Variants in ZBTB20 observed in about 807,000 individuals in gnomAD.
ZBTB20 encodes the protein zinc finger and BTB domain-containing protein 20.
ZBTB20 carries 9 observed loss-of-function variants against 56.9 expected under a neutral mutation model. The observed-to-expected ratio is 0.16, with a 90% CI of 0.10 to 0.28. The LOEUF is 0.28. Among genes scored for constraint, ZBTB20 ranks in the 10% least tolerant of loss-of-function variants. The pLI is 1.00. For synonymous variants in ZBTB20, 417 were observed against 420.7 expected, an observed-to-expected ratio of 0.99 and a Z score of 0.11; for missense variants, 655 against 1,003.0, an observed-to-expected ratio of 0.65 and a Z score of 4.69.
At chr3:114,412,372 C>T (rs946409878) in intron 7 of ZBTB20, among the ~76,000 whole-genome samples, 1 of 152,046 alleles carries the variant, frequency 6.6e-6, no homozygotes, top group Non-Finnish European at 1.5e-5. Context: ...CAAGTGTGAG[C>T]CAAGCAGTGT....
intron 1 of ZBTB20, among the ~76,000 whole-genome samples, chr3:115,071,730 GC>G (rs1486235062): frequency 6.6e-6 from 1 of 152,104 alleles, no homozygotes; most frequent in African/African-American, 2.4e-5. Context: ...ATCTAACACA[GC>G]ACCATGACAT....
chr3:114,902,284 CTT>C (rs1248769192), intron 3 of ZBTB20, among the ~76,000 whole-genome samples: 1 of 152,200 alleles, frequency 6.6e-6, no homozygotes, highest in Non-Finnish European at 1.5e-5. Context: ...CACAGCCTAA[CTT>C]ATTCACTAAT....
intron 1 of ZBTB20, among the ~76,000 whole-genome samples, chr3:115,118,018 A>C (rs921559671): frequency 6.6e-6 from 1 of 152,182 alleles, no homozygotes; most frequent in Non-Finnish European, 1.5e-5. Context: ...GACCTTAAAC[A>C]AGTTACTATT....
chr3:115,035,100 C>A (rs570298086), intron 2 of ZBTB20, among the ~76,000 whole-genome samples: 26 of 152,046 alleles, frequency 1.7e-4, no homozygotes, highest in Non-Finnish European at 2.9e-4. Flanking sequence ...AATATAAGAT[C>A]TAAAACTATA....
chr3:114,416,726 G>C (rs1181872089), intron 7 of ZBTB20, among the ~76,000 whole-genome samples: 1 of 151,954 alleles, frequency 6.6e-6, no homozygotes, highest in Non-Finnish European at 1.5e-5. Flanking sequence ...CTTTTCAGGG[G>C]GTTATAACTC....
At chr3:114,894,689 C>T (rs1004953930) in intron 4 of ZBTB20, among the ~76,000 whole-genome samples, 1 of 152,104 alleles carries the variant, frequency 6.6e-6, no homozygotes, top group African/African-American at 2.4e-5. Flanking sequence ...AAGGAGATGG[C>T]CATCTATATG....
chr3:114,709,013 T>G (rs946726601), intron 5 of ZBTB20, among the ~76,000 whole-genome samples: 1 of 152,182 alleles, frequency 6.6e-6, no homozygotes, highest in African/African-American at 2.4e-5. Flanking sequence ...TTCCTTCTCC[T>G]GTTTTTATAG....
chr3:114,981,504 A>G (rs1243916533), intron 2 of ZBTB20, among the ~76,000 whole-genome samples: 1 of 152,090 alleles, frequency 6.6e-6, no homozygotes, highest in Non-Finnish European at 1.5e-5. Flanking sequence ...TTTTGTAACA[A>G]TAGAAGGCAG....
intron 5 of ZBTB20, among the ~76,000 whole-genome samples, chr3:114,725,014 G>T (rs2108509803): frequency 6.6e-6 from 1 of 152,280 alleles, no homozygotes; most frequent in East Asian, 1.9e-4. Context: ...TAGGAGTGGA[G>T]TCTAGGAACC....
At chr3:114,540,932 A>C (rs561689102) in intron 6 of ZBTB20, among the ~76,000 whole-genome samples, 1 of 152,248 alleles carries the variant, frequency 6.6e-6, no homozygotes, top group South Asian at 2.1e-4. Flanking sequence ...GAAGCTAAAA[A>C]AACAATGCTA....
intron 6 of ZBTB20, among the ~76,000 whole-genome samples, chr3:114,532,984 A>C (rs2110045356): frequency 6.6e-6 from 1 of 152,356 alleles, no homozygotes; most frequent in African/African-American, 2.4e-5. Context: ...CCCCATCCGA[A>C]GATCACCAGC....
chr3:114,501,710 CTTT>C (rs1375467962), intron 6 of ZBTB20, among the ~76,000 whole-genome samples: 1 of 111,856 alleles, frequency 8.9e-6, no homozygotes, highest in Non-Finnish European at 1.9e-5. Flanking sequence ...TTTTTTCTTT[CTTT>C]TTTTTTTTTT....
intron 7 of ZBTB20, among the ~76,000 whole-genome samples, chr3:114,433,852 C>G (rs2090312111): frequency 6.6e-6 from 1 of 152,144 alleles, no homozygotes; most frequent in Admixed American, 6.6e-5. Flanking sequence ...TGAAATGACT[C>G]AATGCACAGA....
rs2078962415 is a variant in ZBTB20, at chr3:114,323,399, G to T, written c.*15606C>A. On this transcript the variant is annotated 3_prime_UTR_variant, in exon 12 of 12. Transcript: ENST00000675478. ...CTGTTCCCTATCTGTCATCTTAAAGGACTTTACCACATGCATAGCCTTCCT... is the reference window on the plus strand; with the variant it reads ...CTGTTCCCTATCTGTCATCTTAAAGTACTTTACCACATGCATAGCCTTCCT... 6.6e-6 allele frequency: 1 copy of T among 152,172 alleles called. No individual in the cohort carries two copies. The highest frequency in any genetic ancestry group is 2.4e-5 in the African/African-American group (1 of 41,438). The allele number at this position is 152,172 out of a possible 1,614,324, so 9.4% of individuals were successfully genotyped here. A position where few individuals can be genotyped will look rare whatever the true frequency, so the allele number is the denominator to read the frequency against.
At chr3:114,683,725 C>T (rs552678164) in intron 6 of ZBTB20, among the ~76,000 whole-genome samples, 83 of 152,112 alleles carry the variant, frequency 5.5e-4, no homozygotes, top group East Asian at 4.1e-3. Flanking sequence ...CTCTCCCCAT[C>T]CTAGATTTTT....
At chr3:114,608,525 C>G (rs1327970289) in intron 6 of ZBTB20, among the ~76,000 whole-genome samples, 1 of 152,204 alleles carries the variant, frequency 6.6e-6, no homozygotes, top group Non-Finnish European at 1.5e-5. Context: ...AACATTTCTT[C>G]ATTCCTAATG....
chr3:114,535,948 C>T (rs968221414), intron 6 of ZBTB20, among the ~76,000 whole-genome samples: 13 of 152,124 alleles, frequency 8.5e-5, no homozygotes, highest in Non-Finnish European at 1.2e-4. Context: ...AATTCAACAC[C>T]GCTTTATGCT....
chr3:115,012,971 G>A (rs1161580417), intron 2 of ZBTB20, among the ~76,000 whole-genome samples: 2 of 151,608 alleles, frequency 1.3e-5, no homozygotes, highest in East Asian at 3.9e-4. Context: ...AATGACAAGT[G>A]GTAAATGAGT....
intron 2 of ZBTB20, among the ~76,000 whole-genome samples, chr3:115,058,726 T>C (rs2081907135): frequency 6.6e-6 from 1 of 152,142 alleles, no homozygotes; most frequent in Non-Finnish European, 1.5e-5. Context: ...AGACTCCATA[T>C]ATATATATTT....
Sources: allele counts gnomAD v4.1 joint callset (sites outside exome capture counted in the v4.1 genomes callset), GRCh38; gene constraint gnomAD v4.1.1; transcripts MANE v1.5; gene names NCBI Gene and HGNC (gene_info 2026-07-23, HGNC 2026-07-21).